The following SLC16A10 variants were observed in gnomAD, a reference collection of about 807,000 sequenced individuals.
The protein encoded by SLC16A10 is solute carrier family 16 member 10.
A neutral mutation model predicts 40.0 loss-of-function variants in SLC16A10; 27 were observed. The ratio of observed to expected loss-of-function variants is 0.67; its 90% CI spans 0.50 to 0.93. The LOEUF is 0.93. SLC16A10 is among the 40% of genes least tolerant of loss of function. The pLI, the probability that SLC16A10 is intolerant of heterozygous loss-of-function variation, is 0.00. For missense variants in SLC16A10, 529 were observed against 658.2 expected (o/e 0.80, Z 2.15); for synonymous variants, 213 against 249.8 (o/e 0.85, Z 1.39).
chr6:111,194,288 G>A (rs559045634), intron 3 of SLC16A10, among the ~76,000 whole-genome samples: 1 of 152,178 alleles, frequency 6.6e-6, no homozygotes, highest in East Asian at 1.9e-4. Context: ...CCATCTTGCA[G>A]GGAGAAGAGT....
chr6:111,124,765 C>T (rs1279443950), intron 1 of SLC16A10, among the ~76,000 whole-genome samples: 1 of 152,190 alleles, frequency 6.6e-6, no homozygotes, highest in Non-Finnish European at 1.5e-5. Flanking sequence ...TTTAGCATTA[C>T]ATAAACCTCT....
intron 1 of SLC16A10, among the ~76,000 whole-genome samples, chr6:111,131,278 G>A (rs1457641309): frequency 6.6e-6 from 1 of 152,228 alleles, no homozygotes; most frequent in Non-Finnish European, 1.5e-5. Context: ...GCTTGCCATT[G>A]TTCCTGCACG....
chr6:111,136,349 A>G (rs1404948468), intron 1 of SLC16A10, among the ~76,000 whole-genome samples: 1 of 152,210 alleles, frequency 6.6e-6, no homozygotes, highest in Non-Finnish European at 1.5e-5. Flanking sequence ...TGTAGTGGCA[A>G]AGGGTTGGCC....
At position 111,104,015 on chromosome 6, in the gene SLC16A10, G is replaced by C. The variant is rs111961487; in HGVS notation, c.343+15920G>C. On this transcript the variant is annotated intron_variant, in intron 1 of 5. Transcript: ENST00000368851. Reference sequence around the variant, plus strand: ...CTTAAGTCTCCAGCTTCGTGGCCCAGGTTCTTTATACTTGACTCCACACTG... The same window carrying C: ...CTTAAGTCTCCAGCTTCGTGGCCCACGTTCTTTATACTTGACTCCACACTG... Among the ~76,000 whole-genome samples, 390 of 152,250 alleles carry C rather than the reference G, an allele frequency of 2.6e-3. 3 individuals are homozygous for C. Among genetic ancestry groups the C allele is most frequent in the African/African-American group, 8.9e-3 (369 of 41,534 alleles).
chr6:111,115,995 C>G (rs1336047563), intron 1 of SLC16A10, among the ~76,000 whole-genome samples: 8 of 152,012 alleles, frequency 5.3e-5, no homozygotes, highest in Admixed American at 5.2e-4. Context: ...TCTTATATCC[C>G]ATAATATTCT....
chr6:111,224,779 A>G lies in SLC16A10; in HGVS notation c.*2544A>G, dbSNP rs898316030. ...AAAAATTTGTGCTTTAATCTAGTCAAACTAAATCCTTTCTAATTTCTGAAT... is the reference window on the plus strand; with the variant it reads ...AAAAATTTGTGCTTTAATCTAGTCAGACTAAATCCTTTCTAATTTCTGAAT... On this transcript the variant is annotated 3_prime_UTR_variant, in exon 6 of 6. Transcript: ENST00000368851. 1.3e-5 allele frequency: 2 copies of G among 152,234 alleles called. No homozygotes were observed. Among genetic ancestry groups the G allele is most frequent in the African/African-American group, 2.4e-5 (1 of 41,458 alleles). The allele number at this position is 152,234 out of a possible 1,614,324, so 9.4% of individuals were successfully genotyped here.
At chr6:111,184,180 T>C (rs536137860) in intron 3 of SLC16A10, among the ~76,000 whole-genome samples, 17 of 152,334 alleles carry the variant, frequency 1.1e-4, no homozygotes, top group Non-Finnish European at 1.5e-4. Flanking sequence ...CTGTGTTCTT[T>C]GACTCTAGAC....
At chr6:111,097,177 T>C (rs561826398) in intron 1 of SLC16A10, among the ~76,000 whole-genome samples, 75 of 152,248 alleles carry the variant, frequency 4.9e-4, no homozygotes, top group Non-Finnish European at 9.1e-4. Context: ...AAAAGTCTCA[T>C]GGTACTTCAG....
intron 3 of SLC16A10, among the ~76,000 whole-genome samples, chr6:111,178,206 C>CA (rs1274181033): frequency 6.6e-6 from 1 of 151,994 alleles, no homozygotes. Flanking sequence ...AGGTAATTAG[C>CA]AAAAAAGCCA....
intron 4 of SLC16A10, among the ~76,000 whole-genome samples, chr6:111,210,565 T>C (rs1449165945): frequency 2.0e-5 from 3 of 152,128 alleles, no homozygotes; most frequent in Admixed American, 6.5e-5. Context: ...GTTAGGGTGA[T>C]GCAAACAAGA....
At chr6:111,179,088 C>T (rs1018129706) in intron 3 of SLC16A10, among the ~76,000 whole-genome samples, 7 of 151,268 alleles carry the variant, frequency 4.6e-5, no homozygotes, top group African/African-American at 1.7e-4. Flanking sequence ...ACCCTCCTGC[C>T]TCAGCTAGGA....
rs781034355 is a variant in SLC16A10, at chr6:111,177,301, A to T, written c.578A>T (p.His193Leu). The change falls in exon 3 of 6, where the codon CAC becomes CTC. Residue 193 changes from histidine (H) to leucine (L), a missense_variant. By Grantham distance (99) the His-to-Leu change is moderately conservative (BLOSUM62 -3). Coordinates refer to ENST00000368851, the MANE Select transcript of SLC16A10 (RefSeq NM_018593.5). ...AYQPSLVILG[H>L]YFKKRLGLVN... is the part of the protein sequence containing the mutation. ...CAGCCTTCATTGGTCATTTTGGGACACTATTTCAAGAAGCGCCTTGGACTG... is the reference window on the plus strand; with the variant it reads ...CAGCCTTCATTGGTCATTTTGGGACTCTATTTCAAGAAGCGCCTTGGACTG... The T allele has an allele frequency of 6.2e-7, 1 of 1,612,198 alleles. No homozygotes were observed. Among genetic ancestry groups the T allele is most frequent in the South Asian group, 1.1e-5 (1 of 90,844 alleles).
intron 1 of SLC16A10, 132 bp downstream of exon 1, chr6:111,088,227 G>A (rs755281813): frequency 2.9e-4 from 255 of 882,344 alleles, no homozygotes; most frequent in Non-Finnish European, 3.8e-4. Flanking sequence ...TGCGAGCAGG[G>A]GGGTCTTTCG....
At chr6:111,176,925 T>C (rs1772694892) in intron 2 of SLC16A10, among the ~76,000 whole-genome samples, 1 of 152,214 alleles carries the variant, frequency 6.6e-6, no homozygotes, top group African/African-American at 2.4e-5. Context: ...CTCAGTGCTG[T>C]GTGCGTCACC....
intron 1 of SLC16A10, among the ~76,000 whole-genome samples, chr6:111,139,560 A>G (rs1474182622): frequency 6.6e-6 from 1 of 152,140 alleles, no homozygotes; most frequent in African/African-American, 2.4e-5. Flanking sequence ...TCGGCCCCCA[A>G]AAGTGCTGGA....
At chr6:111,120,260 C>G (rs1168731936) in intron 1 of SLC16A10, among the ~76,000 whole-genome samples, 4 of 152,136 alleles carry the variant, frequency 2.6e-5, no homozygotes, top group African/African-American at 9.7e-5. Flanking sequence ...ATCAGAGGCA[C>G]TTATTGGAGT....
chr6:111,157,548 C>T (rs1311665187), intron 1 of SLC16A10, among the ~76,000 whole-genome samples: 2 of 152,104 alleles, frequency 1.3e-5, no homozygotes, highest in Non-Finnish European at 2.9e-5. Context: ...TCCCGAAGTG[C>T]TGGGATTACA....
intron 3 of SLC16A10, among the ~76,000 whole-genome samples, chr6:111,197,768 T>C (rs745647656): frequency 5.3e-5 from 8 of 152,088 alleles, no homozygotes; most frequent in Non-Finnish European, 1.2e-4. Context: ...GCAGGTCACT[T>C]GATGAAATTG....
At chr6:111,106,900 A>G (rs1771294526) in intron 1 of SLC16A10, among the ~76,000 whole-genome samples, 1 of 152,228 alleles carries the variant, frequency 6.6e-6, no homozygotes, top group African/African-American at 2.4e-5. Context: ...GGGGATTAAC[A>G]AAGCTGCCTT....
Sources: allele counts gnomAD v4.1 joint callset (sites outside exome capture counted in the v4.1 genomes callset), GRCh38; gene constraint gnomAD v4.1.1; transcripts MANE v1.5; gene names NCBI Gene and HGNC (gene_info 2026-07-23, HGNC 2026-07-21).